The following LRP1B variants were observed in gnomAD, a reference collection of about 807,000 sequenced individuals.
The protein encoded by LRP1B is low-density lipoprotein receptor-related protein 1B.
In LRP1B, 217 loss-of-function variants were observed where a neutral mutation model predicts 556.6. The observed-to-expected ratio is 0.39, with a 90% confidence interval of 0.35 to 0.44. The LOEUF is 0.44. Ranked by LOEUF, LRP1B falls within the 20% of genes least tolerant of loss-of-function variation. LRP1B has a pLI of 1.00. For synonymous variants in LRP1B, 2,047 were observed against 1,865.8 expected, an observed-to-expected ratio of 1.10 and a Z score of -2.50; for missense variants, 5,053 against 5,620.8, an observed-to-expected ratio of 0.90 and a Z score of 3.23.
At chr2:140,453,023 G>T (rs1303041815) in intron 62 of LRP1B, among the ~76,000 whole-genome samples, 3 of 144,462 alleles carry the variant, frequency 2.1e-5, no homozygotes, top group Non-Finnish European at 4.5e-5. Context: ...GATAGTGACT[G>T]TCTGGGGATA....
chr2:141,526,067 T>G (rs1022852059), intron 2 of LRP1B, among the ~76,000 whole-genome samples: 17 of 152,162 alleles, frequency 1.1e-4, no homozygotes, highest in African/African-American at 4.1e-4. Flanking sequence ...TATTCTAAAG[T>G]CATACAGTTA....
intron 51 of LRP1B, among the ~76,000 whole-genome samples, chr2:140,513,329 T>C (rs762154781): frequency 3.3e-5 from 5 of 152,082 alleles, no homozygotes; most frequent in Non-Finnish European, 7.4e-5. Flanking sequence ...GAAAGCACAG[T>C]GTTATCAACG....
At chr2:140,732,402 A>G (rs1035366243) in intron 35 of LRP1B, among the ~76,000 whole-genome samples, 4 of 152,150 alleles carry the variant, frequency 2.6e-5, no homozygotes, top group African/African-American at 9.7e-5. Context: ...CAATTTCACC[A>G]AATACCTTAC....
At position 140,316,732 on chromosome 2, in the gene LRP1B, T is replaced by TGGGAAAAAAAATATAAAATATA. The variant is rs1553445683; in HGVS notation, c.12641-1655_12641-1634dup. Among the ~76,000 whole-genome samples the TGGGAAAAAAAATATAAAATATA allele has an allele frequency of 3.3e-3, 497 of 151,688 alleles. 2 individuals are homozygous for TGGGAAAAAAAATATAAAATATA. Among genetic ancestry groups the TGGGAAAAAAAATATAAAATATA allele is most frequent in the African/African-American group, 0.011 (461 of 41,304 alleles). On this transcript the variant is annotated intron_variant, in intron 82 of 90. Coordinates refer to ENST00000389484, the MANE Select transcript of LRP1B (RefSeq NM_018557.3). ...GTTTGTATGACTAGTAAATAAGAAA[T>TGGGAAAAAAAATATAAAATATA]GGGAAAAAAAATATAAAATATAAAA...
At chr2:141,172,409 C>T (rs1246548967) in intron 7 of LRP1B, among the ~76,000 whole-genome samples, 4 of 151,974 alleles carry the variant, frequency 2.6e-5, no homozygotes, top group South Asian at 4.1e-4. Context: ...AGCTCAGTTA[C>T]GTTATGAAAA....
chr2:140,510,413 G>A (rs1574021079), intron 51 of LRP1B, among the ~76,000 whole-genome samples: 2 of 152,120 alleles, frequency 1.3e-5, no homozygotes, highest in African/African-American at 4.8e-5. Context: ...TTGAAATAAT[G>A]CCATTTTTAT....
At chr2:141,336,114 CAAAA>C (rs60102985) in intron 3 of LRP1B, among the ~76,000 whole-genome samples, 12 of 93,064 alleles carry the variant, frequency 1.3e-4, no homozygotes, top group African/African-American at 2.6e-4. Context: ...CAGACCTGTC[CAAAA>C]AAAAAAAAAA....
chr2:141,032,826 C>CATACATATATATATATAT, intron 11 of LRP1B, among the ~76,000 whole-genome samples: 20 of 126,640 alleles, frequency 1.6e-4, no homozygotes, highest in Admixed American at 2.3e-4. Context: ...TATATACATA[C>CATACATATATATATATAT]ATATATATAT....
chr2:141,052,999 T>C (rs1699079841), intron 10 of LRP1B, among the ~76,000 whole-genome samples: 1 of 152,058 alleles, frequency 6.6e-6, no homozygotes, highest in Admixed American at 6.6e-5. Context: ...TTCATTGATG[T>C]AATATGTGTG....
chr2:141,831,306 G>C (rs1697104990), intron 1 of LRP1B, among the ~76,000 whole-genome samples: 5 of 151,652 alleles, frequency 3.3e-5, no homozygotes, highest in Admixed American at 2.6e-4. Context: ...TTGATTTTCA[G>C]ATCTTTGTTG....
intron 7 of LRP1B, among the ~76,000 whole-genome samples, chr2:141,170,590 G>A (rs1420980435): frequency 6.6e-6 from 1 of 152,072 alleles, no homozygotes; most frequent in East Asian, 1.9e-4. Flanking sequence ...CTAGGCATGG[G>A]AAAATAGAAA....
At position 140,899,143 on chromosome 2, in the gene LRP1B, G is replaced by T. The variant is rs1159196521; in HGVS notation, c.3766+3777C>A. 21 of 201,718 alleles carry T rather than the reference G, an allele frequency of 1.0e-4. No individual in the cohort carries two copies. The Admixed American group carries it at 1.1e-3, about 10-fold the overall frequency. The allele number at this position is 201,718 out of a possible 1,614,324, so 12.5% of individuals were successfully genotyped here. A position where few individuals can be genotyped will look rare whatever the true frequency, so the allele number is the denominator to read the frequency against. Reference sequence around the variant, plus strand: ...TCTCCAGGTCTATGGGAACCTTGCAGCATACTGACTTGGGACCTGTTGGAG... The same window carrying T: ...TCTCCAGGTCTATGGGAACCTTGCATCATACTGACTTGGGACCTGTTGGAG... On this transcript the variant is annotated intron_variant, in intron 23 of 90. Transcript: ENST00000389484.
rs1332187760 is a variant in LRP1B, at chr2:141,200,554, G to C, written c.851-11971C>G. Among the ~76,000 whole-genome samples, 3 of 152,020 alleles carry C rather than the reference G, an allele frequency of 2.0e-5. 1 individual carries two copies. The highest frequency in any genetic ancestry group is 4.4e-5 in the Non-Finnish European group (3 of 67,984). ...CATTCAAGTATCTGCTCAAATGTCA[G>C]TTTTTCAGAAAGGACTCCATTGACC... On this transcript the variant is annotated intron_variant, in intron 6 of 90. Transcript: ENST00000389484.
intron 3 of LRP1B, among the ~76,000 whole-genome samples, chr2:141,330,373 G>T (rs1687594869): frequency 1.3e-5 from 2 of 151,984 alleles, no homozygotes; most frequent in Admixed American, 1.3e-4. Context: ...TAACCAGAAT[G>T]AGGTCATCAT....
intron 31 of LRP1B, among the ~76,000 whole-genome samples, chr2:140,822,920 A>G (rs116286732): frequency 0.025 from 3,857 of 152,328 alleles, 66 homozygotes; most frequent in South Asian, 0.055. Flanking sequence ...AAGGAAGGAA[A>G]AGAACTTCTT....
chr2:140,656,240 G>C (rs1684875381), intron 41 of LRP1B, among the ~76,000 whole-genome samples: 1 of 152,112 alleles, frequency 6.6e-6, no homozygotes, highest in Admixed American at 6.5e-5. Context: ...CAGGTTTTGT[G>C]ACAATATATA....
At chr2:141,414,532 G>A (rs992654343) in intron 3 of LRP1B, among the ~76,000 whole-genome samples, 3 of 152,166 alleles carry the variant, frequency 2.0e-5, no homozygotes, top group Admixed American at 6.5e-5. Flanking sequence ...TTTAATTTTT[G>A]ATTTCCCCAG....
rs1461276419 is a variant in LRP1B, at chr2:140,509,917, A to G, written c.8398+11T>C. 1.2e-6 allele frequency: 2 copies of G among 1,610,984 alleles called. No homozygotes were observed. The highest frequency in any genetic ancestry group is 1.7e-5 in the Admixed American group (1 of 59,332). ...TTTTCTTTGACATGCAGCCCTGGCC[A>G]GTGTTCATACCGCAGCCTGCTGTGG... On this transcript the variant is annotated intron_variant, in intron 52 of 90. Coordinates refer to ENST00000389484, the MANE Select transcript of LRP1B (RefSeq NM_018557.3).
At chr2:141,100,671 T>A (rs1475328028) in intron 7 of LRP1B, among the ~76,000 whole-genome samples, 2 of 152,170 alleles carry the variant, frequency 1.3e-5, no homozygotes, top group East Asian at 3.9e-4. Context: ...CTTGGATGAA[T>A]GTTTGTTGAA....
Sources: gnomAD v4.1 joint callset for allele counts (sites outside exome capture counted in the v4.1 genomes callset) on GRCh38, gnomAD v4.1.1 for gene constraint, MANE v1.5 for transcripts, NCBI Gene and HGNC (gene_info 2026-07-23, HGNC 2026-07-21) for gene names.